Variants in ADAMTS12 observed in about 807,000 individuals in gnomAD.
The protein encoded by ADAMTS12 is A disintegrin and metalloproteinase with thrombospondin motifs 12.
In ADAMTS12, 118 loss-of-function variants were observed where a neutral mutation model predicts 167.8. The ratio of observed to expected loss-of-function variants is 0.70; its 90% CI spans 0.61 to 0.82. The LOEUF (loss-of-function observed/expected upper bound fraction) is 0.82, where lower values mean the gene tolerates loss of function less well. Ranked by LOEUF, ADAMTS12 falls within the 40% of genes least tolerant of loss-of-function variation. The pLI is 0.00. For missense variants in ADAMTS12, 1,916 were observed against 1,998.8 expected (o/e 0.96, Z 0.79); for synonymous variants, 704 against 716.9 (o/e 0.98, Z 0.29).
chr5:33,654,102 G>A lies in ADAMTS12; in HGVS notation c.1190+4082C>T, dbSNP rs980113498. Among the ~76,000 whole-genome samples, 11 of 152,018 alleles carry A rather than the reference G, an allele frequency of 7.2e-5. 1 individual carries two copies. Among genetic ancestry groups the A allele is most frequent in the Non-Finnish European group, 1.5e-5 (1 of 67,974 alleles). On this transcript the variant is annotated intron_variant, in intron 7 of 23. Transcript: ENST00000504830. Reference sequence around the variant, plus strand: ...ATCCATTCTACTGTTGAGCCCTAGTGTTCACTGAGCTTTTTATTTACATTA... The same window carrying A: ...ATCCATTCTACTGTTGAGCCCTAGTATTCACTGAGCTTTTTATTTACATTA...
intron 1 of ADAMTS12, among the ~76,000 whole-genome samples, chr5:33,890,623 T>C (rs2111815556): frequency 6.6e-6 from 1 of 152,246 alleles, no homozygotes; most frequent in East Asian, 1.9e-4. Context: ...GGAGGACACT[T>C]CCCGAGGCTT....
intron 2 of ADAMTS12, among the ~76,000 whole-genome samples, chr5:33,780,194 A>G (rs1385625009): frequency 6.6e-6 from 1 of 152,224 alleles, no homozygotes; most frequent in Non-Finnish European, 1.5e-5. Flanking sequence ...CATGAAGAGG[A>G]GTAAAAATTT....
Position 33,662,035 on chromosome 5 carries a change from T to G in ADAMTS12, c.921A>C (p.Gly307=). 1 of 1,609,564 alleles carries G rather than the reference T, an allele frequency of 6.2e-7. No homozygotes were observed. Among genetic ancestry groups the G allele is most frequent in the Non-Finnish European group, 8.5e-7 (1 of 1,179,474 alleles). Reference sequence around the variant, plus strand: ...TTTCTGCATGGTGAACTATTTTCAGTCCTTGCTGGAGAAAGAAGAGGAAGA... The same window carrying G: ...TTTCTGCATGGTGAACTATTTTCAGGCCTTGCTGGAGAAAGAAGAGGAAGA... ...RLILLEEEEQ[G]LKIVHHAEKT... Residue 307 remains glycine (G), a synonymous_variant, in exon 6 of 24, where the codon GGA becomes GGC. Transcript: ENST00000504830.
chr5:33,649,564 G>C lies in ADAMTS12; in HGVS notation c.1324C>G (p.Arg442Gly). The C allele has an allele frequency of 1.2e-6, 2 of 1,613,614 alleles. 1 individual carries two copies. Among genetic ancestry groups the C allele is most frequent in the Non-Finnish European group, 1.7e-6 (2 of 1,179,702 alleles). The change falls in exon 8 of 24, where the codon CGC (arginine) becomes GGC (glycine). Residue 442 changes from arginine (R) to glycine (G), a missense_variant. Arg to Gly is a moderately radical substitution (Grantham distance 125, BLOSUM62 -2). Coordinates refer to ENST00000504830, the MANE Select transcript of ADAMTS12 (RefSeq NM_030955.4). ...WSKCSEEYIT[R>G]FLDRGWGFCL... ...GACACTGTCACTTACTCCAAGAAGC[G>C]GGTGATGTACTCCTCGCTGCACTTG...
chr5:33,555,514 G>A (rs912141043), intron 20 of ADAMTS12, among the ~76,000 whole-genome samples: 7 of 152,160 alleles, frequency 4.6e-5, no homozygotes, highest in African/African-American at 1.7e-4. Flanking sequence ...CTCCCAAAGT[G>A]CTGGGATTAT....
chr5:33,631,010 T>C, intron 12 of ADAMTS12, 97 bp from the exon 13 acceptor site: 1 of 1,443,026 alleles, frequency 6.9e-7, no homozygotes, highest in South Asian at 1.4e-5. Flanking sequence ...AAGTGTCATT[T>C]ACTCTGGCAA....
chr5:33,728,601 C>T (rs1162278902), intron 3 of ADAMTS12, among the ~76,000 whole-genome samples: 1 of 152,184 alleles, frequency 6.6e-6, no homozygotes, highest in African/African-American at 2.4e-5. Context: ...CTCACCTCTC[C>T]TCAGGGAGGG....
chr5:33,858,411 C>A (rs1004593567), intron 2 of ADAMTS12, among the ~76,000 whole-genome samples: 4 of 152,200 alleles, frequency 2.6e-5, no homozygotes, highest in African/African-American at 7.2e-5. Flanking sequence ...AATCCCAGCA[C>A]TTTGAAAGGC....
chr5:33,526,782 A>G lies in ADAMTS12; in HGVS notation c.*406T>C, dbSNP rs1451494088. 2 of 157,190 alleles carry G rather than the reference A, an allele frequency of 1.3e-5. No homozygotes were observed. The highest frequency in any genetic ancestry group is 4.8e-5 in the African/African-American group (2 of 41,596). The allele number at this position is 157,190 out of a possible 1,614,324, so 9.7% of individuals were successfully genotyped here. A position where few individuals can be genotyped will look rare whatever the true frequency, so the allele number is the denominator to read the frequency against. On this transcript the variant is annotated 3_prime_UTR_variant, in exon 24 of 24. Coordinates refer to ENST00000504830, the MANE Select transcript of ADAMTS12 (RefSeq NM_030955.4). Reference sequence around the variant, plus strand: ...GAAAAAAAAAAGAAAGGTATTCATCAAGATAAATTAAGAAGATTATTTGTC... The same window carrying G: ...GAAAAAAAAAAGAAAGGTATTCATCGAGATAAATTAAGAAGATTATTTGTC...
At chr5:33,794,436 G>C (rs573042228) in intron 2 of ADAMTS12, among the ~76,000 whole-genome samples, 1 of 152,238 alleles carries the variant, frequency 6.6e-6, no homozygotes, top group Non-Finnish European at 1.5e-5. Flanking sequence ...AGATGGTGCT[G>C]AGCCGGTGAG....
chr5:33,621,545 A>G (rs1739332425), intron 14 of ADAMTS12, among the ~76,000 whole-genome samples: 2 of 152,144 alleles, frequency 1.3e-5, no homozygotes, highest in South Asian at 4.1e-4. Flanking sequence ...GTCCACAAAA[A>G]CGGACTTTAC....
chr5:33,712,246 TA>T (rs1481680755), intron 3 of ADAMTS12, among the ~76,000 whole-genome samples: 1 of 152,048 alleles, frequency 6.6e-6, no homozygotes, highest in Admixed American at 6.6e-5. Flanking sequence ...CTGGAAAACA[TA>T]AAAAACCTCA....
intron 3 of ADAMTS12, among the ~76,000 whole-genome samples, chr5:33,690,205 G>A (rs749399034): frequency 1.3e-4 from 20 of 152,216 alleles, no homozygotes; most frequent in Non-Finnish European, 1.9e-4. Flanking sequence ...GCCAGCTTGG[G>A]TATATTTGAA....
chr5:33,852,436 T>C (rs1749249130), intron 2 of ADAMTS12, among the ~76,000 whole-genome samples: 1 of 152,058 alleles, frequency 6.6e-6, no homozygotes, highest in Admixed American at 6.6e-5. Flanking sequence ...GAAAAAACAG[T>C]CTAGAGAAAA....
chr5:33,567,898 C>G (rs1746090092), intron 19 of ADAMTS12, among the ~76,000 whole-genome samples: 1 of 152,094 alleles, frequency 6.6e-6, no homozygotes, highest in Admixed American at 6.5e-5. Context: ...AGCCAGGGGT[C>G]ATGGGTTCTG....
chr5:33,861,376 T>C (rs911357128), intron 2 of ADAMTS12, among the ~76,000 whole-genome samples: 4 of 152,108 alleles, frequency 2.6e-5, no homozygotes, highest in Non-Finnish European at 5.9e-5. Context: ...GGGTTTGCAA[T>C]ACTAGTTTCT....
intron 2 of ADAMTS12, among the ~76,000 whole-genome samples, chr5:33,779,894 G>T (rs1169485073): frequency 6.6e-6 from 1 of 152,170 alleles, no homozygotes; most frequent in Non-Finnish European, 1.5e-5. Flanking sequence ...GAGAGCTAAT[G>T]TGACTATAGT....
chr5:33,537,545 C>A (rs914545757), intron 22 of ADAMTS12, among the ~76,000 whole-genome samples: 1 of 152,196 alleles, frequency 6.6e-6, no homozygotes, highest in Non-Finnish European at 1.5e-5. Flanking sequence ...CCCATACATA[C>A]CACACTTGAC....
intron 21 of ADAMTS12, among the ~76,000 whole-genome samples, chr5:33,548,753 G>A (rs1056530779): frequency 3.3e-5 from 5 of 151,654 alleles, no homozygotes; most frequent in African/African-American, 1.2e-4. Context: ...AGTGATCTGA[G>A]AGCTGTAAGA....
Sources: gnomAD v4.1 joint callset for allele counts (sites outside exome capture counted in the v4.1 genomes callset) on GRCh38, gnomAD v4.1.1 for gene constraint, MANE v1.5 for transcripts, NCBI Gene and HGNC (gene_info 2026-07-23, HGNC 2026-07-21) for gene names.